Variants in MTHFD1 observed in about 807,000 individuals in gnomAD.
MTHFD1 encodes the protein C-1-tetrahydrofolate synthase, cytoplasmic.
In MTHFD1, 44 loss-of-function variants were observed where a neutral mutation model predicts 110.3. The observed-to-expected ratio is 0.40, with a 90% CI of 0.31 to 0.51. MTHFD1 has a LOEUF of 0.51. Ranked by LOEUF, MTHFD1 falls within the 20% of genes least tolerant of loss-of-function variation. The probability of loss-of-function intolerance (pLI) is 0.60; values close to 1 mark genes in which losing one functional copy is unlikely to be tolerated. For missense variants in MTHFD1, 909 were observed against 1,173.1 expected, an observed-to-expected ratio of 0.77 and a Z score of 3.29; for synonymous variants, 402 against 428.8, an observed-to-expected ratio of 0.94 and a Z score of 0.77.
chr14:64,442,197 CTGTA>C, intron 20 of MTHFD1, 32 bp downstream of exon 20: 1 of 1,613,630 alleles, frequency 6.2e-7, no homozygotes, highest in Non-Finnish European at 8.5e-7. Flanking sequence ...AGTGAATAGA[CTGTA>C]TGTTTCTTTT....
In MTHFD1 at chr14:64,424,945, A is replaced by C. The variant is rs540082347; in HGVS notation, c.855+14A>C. 3 of 1,614,152 alleles carry C rather than the reference A, an allele frequency of 1.9e-6. No individual in the cohort carries two copies. The highest frequency in any genetic ancestry group is 1.6e-4 in the Middle Eastern group (1 of 6,062). On this transcript the variant is annotated intron_variant, in intron 9 of 27. Coordinates refer to ENST00000652337, the MANE Select transcript of MTHFD1 (RefSeq NM_005956.4). Reference sequence around the variant, plus strand: ...ATGCTCATGCAGGTAATTGTGAATAAAAGTTTCTATAAGAGTTCTGAAAAG... The same window carrying C: ...ATGCTCATGCAGGTAATTGTGAATACAAGTTTCTATAAGAGTTCTGAAAAG...
intron 2 of MTHFD1, among the ~76,000 whole-genome samples, chr14:64,402,816 T>A (rs946215980): frequency 3.8e-4 from 50 of 132,010 alleles, no homozygotes; most frequent in African/African-American, 1.3e-3. Context: ...CAAAAAAAAA[T>A]AAAAATAAAA....
chr14:64,427,787 CAGACACTCT>C (rs1426209302), intron 12 of MTHFD1, among the ~76,000 whole-genome samples: 1 of 152,188 alleles, frequency 6.6e-6, no homozygotes, highest in Non-Finnish European at 1.5e-5. Flanking sequence ...GATCATCTTA[CAGACACTCT>C]AGAGACAATG....
At position 64,439,186 on chromosome 14, in the gene MTHFD1, C is replaced by G. The variant is rs751102361; in HGVS notation, c.1674+14C>G. 6.2e-7 allele frequency: 1 copy of G among 1,607,002 alleles called. No homozygotes were observed. The highest frequency in any genetic ancestry group is 8.5e-7 in the Non-Finnish European group (1 of 1,173,688). On this transcript the variant is annotated intron_variant, in intron 17 of 27. Coordinates refer to ENST00000652337, the MANE Select transcript of MTHFD1 (RefSeq NM_005956.4). ...CACACACGGACGGTAACAATTTGTC[C>G]CTTTCCAAGGAAATTAGTTCAGAGG...
chr14:64,444,172 A>G lies in MTHFD1; in HGVS notation c.2137-521A>G, dbSNP rs943884208. On this transcript the variant is annotated intron_variant, in intron 21 of 27. Coordinates refer to ENST00000652337, the MANE Select transcript of MTHFD1 (RefSeq NM_005956.4). ...ATCCTTTAGATATACTCTACAAAAGAGAAAGAAAATCCTTCTGTATTGTTT... is the reference window on the plus strand; with the variant it reads ...ATCCTTTAGATATACTCTACAAAAGGGAAAGAAAATCCTTCTGTATTGTTT... Among the ~76,000 whole-genome samples, 3 of 152,166 alleles carry G rather than the reference A, an allele frequency of 2.0e-5. No homozygotes were observed. In the South Asian group the frequency reaches 6.2e-4, roughly 31 times the overall value.
At chr14:64,439,646 A>T (rs2078232714) in intron 17 of MTHFD1, among the ~76,000 whole-genome samples, 1 of 152,212 alleles carries the variant, frequency 6.6e-6, no homozygotes, top group East Asian at 1.9e-4. Flanking sequence ...CACGCCTGTA[A>T]TCCCAGCACT....
chr14:64,435,803 T>C (rs769349029), intron 16 of MTHFD1, 132 bp downstream of exon 16: 10 of 704,742 alleles, frequency 1.4e-5, no homozygotes, highest in Non-Finnish European at 2.4e-5. Flanking sequence ...ATGACCAAGA[T>C]GGTGACATTA....
intron 6 of MTHFD1, among the ~76,000 whole-genome samples, chr14:64,416,857 A>G (rs1331956804): frequency 6.6e-6 from 1 of 152,224 alleles, no homozygotes; most frequent in Non-Finnish European, 1.5e-5. Context: ...GCCCTGATGC[A>G]GCTTTAACTC....
At chr14:64,447,242 G>A (rs1299632610) in intron 22 of MTHFD1, among the ~76,000 whole-genome samples, 1 of 130,910 alleles carries the variant, frequency 7.6e-6, no homozygotes, top group Non-Finnish European at 1.6e-5. Context: ...TGCAACCTCC[G>A]CCTCTGGGGT....
intron 1 of MTHFD1, among the ~76,000 whole-genome samples, chr14:64,398,625 C>A (rs1225345417): frequency 6.6e-6 from 1 of 152,178 alleles, no homozygotes; most frequent in African/African-American, 2.4e-5. Flanking sequence ...TTGTACCATT[C>A]AACATTCTTG....
intron 11 of MTHFD1, among the ~76,000 whole-genome samples, chr14:64,426,891 A>G (rs1166340882): frequency 1.3e-5 from 2 of 152,354 alleles, no homozygotes; most frequent in East Asian, 3.8e-4. Context: ...AGAAATTAAA[A>G]TTATAGCCGT....
intron 17 of MTHFD1, among the ~76,000 whole-genome samples, 172 bp from the exon 18 acceptor site, chr14:64,439,954 A>T (rs756422576): frequency 9.2e-5 from 8 of 86,736 alleles, no homozygotes; most frequent in Non-Finnish European, 1.9e-4. Flanking sequence ...TAATTAATAT[A>T]TTTTTTTGCT....
intron 4 of MTHFD1, among the ~76,000 whole-genome samples, chr14:64,413,625 A>C (rs527602616): frequency 3.0e-4 from 46 of 152,310 alleles, no homozygotes; most frequent in African/African-American, 1.1e-3. Flanking sequence ...AATGAAATAA[A>C]ATTAAAAATT....
chr14:64,389,785 C>T (rs529563932), intron 1 of MTHFD1, among the ~76,000 whole-genome samples: 1 of 151,500 alleles, frequency 6.6e-6, no homozygotes, highest in South Asian at 2.1e-4. Flanking sequence ...TGTATTTCTG[C>T]TTTACTTTCT....
intron 24 of MTHFD1, among the ~76,000 whole-genome samples, chr14:64,451,528 A>T (rs781507871): frequency 2.6e-5 from 4 of 152,256 alleles, no homozygotes; most frequent in Non-Finnish European, 4.4e-5. Flanking sequence ...TCTGTTCAGC[A>T]ATCATCCTTT....
At chr14:64,393,738 C>A (rs2077825441) in intron 1 of MTHFD1, among the ~76,000 whole-genome samples, 1 of 152,176 alleles carries the variant, frequency 6.6e-6, no homozygotes, top group African/African-American at 2.4e-5. Context: ...GGGTTTTGAG[C>A]AGAGGTCTGT....
chr14:64,457,191 G>T (rs555145106), intron 26 of MTHFD1, among the ~76,000 whole-genome samples: 1 of 152,208 alleles, frequency 6.6e-6, no homozygotes, highest in African/African-American at 2.4e-5. Flanking sequence ...CTACCATCGT[G>T]TTGCTGAAGC....
In MTHFD1 at chr14:64,441,845, C is replaced by T; in HGVS notation, c.1885-209C>T. On this transcript the variant is annotated intron_variant, in intron 19 of 27. Coordinates refer to ENST00000652337, the MANE Select transcript of MTHFD1 (RefSeq NM_005956.4). ...ATTAAGCACACTTAACCTGGGTAGTCAAGACCTTCTCCACTTGCTCATCTC... is the reference window on the plus strand; with the variant it reads ...ATTAAGCACACTTAACCTGGGTAGTTAAGACCTTCTCCACTTGCTCATCTC... The T allele has an allele frequency of 7.8e-6, 5 of 639,014 alleles. No individual in the cohort carries two copies. The Middle Eastern group carries it at 1.2e-3, about 153-fold the overall frequency. 39.6% of individuals were successfully genotyped at this position (639,014 alleles called of 1,614,324 possible).
At chr14:64,453,645 C>A (rs2078415379) in intron 24 of MTHFD1, 109 bp from the exon 25 acceptor site, 3 of 718,154 alleles carry the variant, frequency 4.2e-6, no homozygotes, top group Non-Finnish European at 7.7e-6. Context: ...TATATAAAAA[C>A]CATCTTCTGC....
Sources: allele counts gnomAD v4.1 joint callset (sites outside exome capture counted in the v4.1 genomes callset), GRCh38; gene constraint gnomAD v4.1.1; transcripts MANE v1.5; gene names NCBI Gene and HGNC (gene_info 2026-07-23, HGNC 2026-07-21).